The following IL3RA variants were observed in gnomAD, a reference collection of about 807,000 sequenced individuals.
IL3RA encodes interleukin 3 receptor subunit alpha, also known as interleukin-3 receptor subunit alpha.
IL3RA carries 73 observed loss-of-function variants against 52.3 expected under a neutral mutation model. The ratio of observed to expected loss-of-function variants is 1.40; its 90% CI spans 1.16 to 1.70. The LOEUF (loss-of-function observed/expected upper bound fraction) is 1.70. Ranked by LOEUF, IL3RA falls within the 40% of genes most tolerant of loss-of-function variation. The probability of loss-of-function intolerance (pLI) is 0.00; values close to 1 mark genes in which losing one functional copy is unlikely to be tolerated. For missense variants in IL3RA, 664 were observed against 504.4 expected (o/e 1.32, Z -3.03); for synonymous variants, 260 against 194.0 (o/e 1.34, Z -2.83).
Position 1,365,110 on chromosome X carries a change from C to T in IL3RA, c.760-28C>T, listed in dbSNP as rs766521884. On this transcript the variant is annotated intron_variant, in intron 8 of 11. Transcript: ENST00000331035. ...AGTCATGAGCCACCATACCTGGCCC[C>T]TCTTCTTTATTTTCTTTCAAACCAC... 7.7e-6 allele frequency: 12 copies of T among 1,557,018 alleles called. No homozygotes were observed. The South Asian group carries it at 1.2e-4, about 16-fold the overall frequency.
chrX:1,349,521 G>A (rs1380236543), intron 4 of IL3RA, among the ~76,000 whole-genome samples: 1 of 151,724 alleles, frequency 6.6e-6, no homozygotes, highest in Non-Finnish European at 1.5e-5. Flanking sequence ...TATGTTACCT[G>A]AGCTGGTCTC....
chrX:1,356,476 A>C (rs1251965309), intron 7 of IL3RA, 140 bp downstream of exon 7: 1 of 634,206 alleles, frequency 1.6e-6, no homozygotes, highest in Non-Finnish European at 2.8e-6. Context: ...AAAAACAAAA[A>C]CAAAAACAAA....
chrX:1,367,703 G>A (rs2088238062), intron 9 of IL3RA, among the ~76,000 whole-genome samples: 2 of 115,694 alleles, frequency 1.7e-5, no homozygotes, highest in African/African-American at 3.4e-5. Context: ...GGGTGAGCCG[G>A]GTGCGCGGGG....
At position 1,347,307 on chromosome X, in the gene IL3RA, G is replaced by A. The variant is rs747736540; in HGVS notation, c.184-1124G>A. On this transcript the variant is annotated intron_variant, in intron 3 of 11. Coordinates refer to ENST00000331035, the MANE Select transcript of IL3RA (RefSeq NM_002183.4). ...AAAAATATAAAAATTAGCCGGGCGT[G>A]GTGGCTGGTGCCTGTAGTCCCAGCT... is the stretch of plus-strand genomic sequence containing the variant. 5.8e-4 allele frequency among the ~76,000 whole-genome samples: 88 copies of A among 151,222 alleles called. No homozygotes were observed. In the East Asian group the frequency reaches 0.013, roughly 22 times the overall value.
At chrX:1,381,948 G>GTT (rs1469206588) in intron 11 of IL3RA, among the ~76,000 whole-genome samples, 2 of 130,874 alleles carry the variant, frequency 1.5e-5, no homozygotes, top group Non-Finnish European at 3.6e-5. Flanking sequence ...GTTTTGTTTT[G>GTT]TTTGTTTTTG....
At chrX:1,380,603 GA>G (rs1196381172) in intron 10 of IL3RA, among the ~76,000 whole-genome samples, 3 of 22,538 alleles carry the variant, frequency 1.3e-4, no homozygotes, top group African/African-American at 1.0e-3. Flanking sequence ...GGGAGGAGGA[GA>G]GGGGAGGATG....
At chrX:1,364,966 G>A (rs1453282581) in intron 8 of IL3RA, among the ~76,000 whole-genome samples, 172 bp from the exon 9 acceptor site, 1 of 151,774 alleles carries the variant, frequency 6.6e-6, no homozygotes, top group African/African-American at 2.4e-5. Flanking sequence ...CTGCCACCAT[G>A]CCAGGCTAAT....
chrX:1,348,901 G>T (rs2085946409), intron 4 of IL3RA, among the ~76,000 whole-genome samples: 1 of 115,728 alleles, frequency 8.6e-6, no homozygotes. Flanking sequence ...TTTCCTCCCT[G>T]CCTCACTCCC....
At chrX:1,377,329 C>CTCGCAGGT (rs1317362306) in intron 9 of IL3RA, among the ~76,000 whole-genome samples, 2 of 152,076 alleles carry the variant, frequency 1.3e-5, no homozygotes, top group African/African-American at 4.8e-5. Context: ...CAACCTCCAC[C>CTCGCAGGT]TCGCAGGTTC....
chrX:1,348,318 A>C (rs1284382679), intron 3 of IL3RA, 113 bp from the exon 4 acceptor site: 5 of 810,224 alleles, frequency 6.2e-6, no homozygotes, highest in Admixed American at 1.8e-5. Context: ...ACGCCACTGC[A>C]CTCCAGCGTG....
chrX:1,358,367 G>A (rs2086897792), intron 7 of IL3RA, among the ~76,000 whole-genome samples: 1 of 151,672 alleles, frequency 6.6e-6, no homozygotes, highest in Non-Finnish European at 1.5e-5. Context: ...TGGCCCATAA[G>A]AAACCTTTTG....
chrX:1,378,137 C>A (rs1403307611), intron 9 of IL3RA, among the ~76,000 whole-genome samples: 1 of 146,292 alleles, frequency 6.8e-6, no homozygotes, highest in Non-Finnish European at 1.5e-5. Context: ...GAGCTGAGAT[C>A]GTGCCACTGC....
At chrX:1,354,047 C>T (rs1190892532) in intron 6 of IL3RA, among the ~76,000 whole-genome samples, 1 of 148,656 alleles carries the variant, frequency 6.7e-6, no homozygotes, top group Non-Finnish European at 1.5e-5. Context: ...CATCATGGGC[C>T]ATGGGTCCCA....
intron 9 of IL3RA, among the ~76,000 whole-genome samples, chrX:1,367,800 C>CG (rs1420760151): frequency 7.6e-5 from 6 of 79,456 alleles, no homozygotes. Flanking sequence ...CGGGGTGCGC[C>CG]GGGTGAGCGG....
intron 8 of IL3RA, among the ~76,000 whole-genome samples, chrX:1,364,392 G>C (rs1239784043): frequency 1.3e-5 from 2 of 152,078 alleles, no homozygotes; most frequent in Non-Finnish European, 2.9e-5. Context: ...TCGGGAGGCT[G>C]AGGCAGGAGA....
At chrX:1,352,602 C>T in intron 6 of IL3RA, 96 bp downstream of exon 6, 1 of 1,268,414 alleles carries the variant, frequency 7.9e-7, no homozygotes, top group Non-Finnish European at 1.1e-6. Flanking sequence ...GCTCCCAACG[C>T]AGACGTTGGC....
intron 3 of IL3RA, among the ~76,000 whole-genome samples, chrX:1,345,987 A>AAAG (rs1435688591): frequency 3.3e-5 from 5 of 151,936 alleles, no homozygotes; most frequent in African/African-American, 1.2e-4. Flanking sequence ...GGTGGATGTG[A>AAAG]AAGTGAAATG....
intron 8 of IL3RA, among the ~76,000 whole-genome samples, chrX:1,361,707 C>T (rs1323258793): frequency 7.0e-5 from 10 of 142,124 alleles, no homozygotes; most frequent in South Asian, 2.2e-4. Flanking sequence ...GAGTTGAGAT[C>T]GCGCCACTGC....
rs1400002307 is a variant in IL3RA at position 1,350,668 on chromosome X, G to A, written c.299-1432G>A. Among the ~76,000 whole-genome samples the A allele has an allele frequency of 1.1e-4, 16 of 150,186 alleles. 1 individual carries two copies. The East Asian group carries it at 2.2e-3, about 20-fold the overall frequency. ...TGTAATCCCAGCACTTTGGGAGGCC[G>A]AGGTGGGTGGATCGCGAGGTCAGGA... On this transcript the variant is annotated intron_variant, in intron 4 of 11. Coordinates refer to ENST00000331035, the MANE Select transcript of IL3RA (RefSeq NM_002183.4).
Sources: allele counts gnomAD v4.1 joint callset (sites outside exome capture counted in the v4.1 genomes callset), GRCh38; gene constraint gnomAD v4.1.1; transcripts MANE v1.5; gene names NCBI Gene and HGNC (gene_info 2026-07-23, HGNC 2026-07-21).